Variants in BMS1 observed in about 807,000 individuals in gnomAD.
BMS1 encodes the protein BMS1 ribosome biogenesis factor.
Under a neutral mutation model 138.7 loss-of-function variants are expected in BMS1, and 53 were observed. The ratio of observed to expected loss-of-function variants is 0.38; its 90% CI spans 0.31 to 0.48. The LOEUF is 0.48. BMS1 is among the 20% of genes least tolerant of loss of function. The pLI is 0.97. For synonymous variants in BMS1, 504 were observed against 539.9 expected, an observed-to-expected ratio of 0.93 and a Z score of 0.92; for missense variants, 1,360 against 1,565.5, an observed-to-expected ratio of 0.87 and a Z score of 2.22.
chr10:42,787,360 C>T (rs1453186438), intron 4 of BMS1, 113 bp downstream of exon 4: 3 of 852,648 alleles, frequency 3.5e-6, no homozygotes, highest in Non-Finnish European at 5.8e-6. Context: ...GAATCATGGT[C>T]ATCATCAGTG....
chr10:42,811,526 CTTT>C (rs60192795), intron 13 of BMS1, among the ~76,000 whole-genome samples: 2 of 105,536 alleles, frequency 1.9e-5, no homozygotes. Flanking sequence ...TTTTCTTTTT[CTTT>C]TTTTTTTTTT....
intron 18 of BMS1, among the ~76,000 whole-genome samples, chr10:42,821,570 T>G (rs1734081673): frequency 8.4e-6 from 1 of 119,478 alleles, no homozygotes; most frequent in Non-Finnish European, 1.8e-5. Context: ...TTTTTTTTTT[T>G]GAGACAGAGT....
rs866315631 is a variant in BMS1, at chr10:42,831,954, G to A, written c.*858G>A. ...AGTTATGGGGAATCTATTCCTATAC[G>A]ATGTAATCATAGATTCACATATAGT... On this transcript the variant is annotated 3_prime_UTR_variant, in exon 23 of 23. Coordinates refer to ENST00000374518, the MANE Select transcript of BMS1 (RefSeq NM_014753.4). 2.0e-4 allele frequency: 30 copies of A among 152,084 alleles called. No homozygotes were observed. Among genetic ancestry groups the A allele is most frequent in the Middle Eastern group, 3.4e-3 (1 of 294 alleles). The allele number at this position is 152,084 out of a possible 1,614,324, so 9.4% of individuals were successfully genotyped here. A position where few individuals can be genotyped will look rare whatever the true frequency, so the allele number is the denominator to read the frequency against.
chr10:42,811,814 G>A (rs1258313913), intron 13 of BMS1, among the ~76,000 whole-genome samples: 3 of 151,952 alleles, frequency 2.0e-5, no homozygotes, highest in Non-Finnish European at 2.9e-5. Flanking sequence ...GTGAGCCACC[G>A]CGCCCGGCCT....
intron 13 of BMS1, among the ~76,000 whole-genome samples, chr10:42,809,952 A>ATTTTTT (rs34656411): frequency 8.8e-6 from 1 of 114,024 alleles, no homozygotes; most frequent in African/African-American, 3.6e-5. Flanking sequence ...TGTCTGGCTA[A>ATTTTTT]TTTTTTTTTT....
At chr10:42,830,757 G>T (rs1842779003) in intron 22 of BMS1, 109 bp from the exon 23 acceptor site, 1 of 961,344 alleles carries the variant, frequency 1.0e-6, no homozygotes. Context: ...GCATTTTCAT[G>T]CAGTTAATAT....
Position 42,785,621 on chromosome 10 carries a change from T to C in BMS1, c.316T>C (p.Phe106Leu), listed in dbSNP as rs77961452. Residue 106 changes from phenylalanine (F) to leucine (L), a missense_variant, in exon 3 of 23, where the codon TTT (phenylalanine) becomes CTT (leucine). Transcript: ENST00000374518. ...STLIQCLIRN[F>L]TRQKLTEIRG... ...TTTGATACAATGCCTCATTCGGAAC[T>C]TTACCCGGCAGAAGTTGACTGAGAT... 727 of 1,613,910 alleles carry C rather than the reference T, an allele frequency of 4.5e-4. 2 individuals are homozygous for C. In the African/African-American group the frequency reaches 8.9e-3, roughly 20 times the overall value.
intron 2 of BMS1, 115 bp from the exon 3 acceptor site, chr10:42,785,367 A>C: frequency 6.3e-6 from 5 of 796,754 alleles, no homozygotes; most frequent in Middle Eastern, 3.9e-4. Context: ...AAAATGTGCT[A>C]AAGTACTCAT....
chr10:42,817,191 T>C (rs1842373821), intron 14 of BMS1, 127 bp from the exon 15 acceptor site: 1 of 766,166 alleles, frequency 1.3e-6, no homozygotes, highest in Admixed American at 2.9e-5. Context: ...GTGTTTTCTT[T>C]TGTTTTATTG....
At chr10:42,829,863 T>C (rs1842753264) in intron 21 of BMS1, among the ~76,000 whole-genome samples, 2 of 152,148 alleles carry the variant, frequency 1.3e-5, no homozygotes, top group African/African-American at 4.8e-5. Flanking sequence ...GAGTGGTTGA[T>C]AGTCAAGACA....
In BMS1 at chr10:42,834,885, T is replaced by C. The variant is rs1377636013; in HGVS notation, c.*3789T>C. On this transcript the variant is annotated 3_prime_UTR_variant, in exon 23 of 23. Transcript: ENST00000374518. ...TTTTCTGTGTTTCGGTTTTTTCCAA[T>C]TTTTGTTTTGTGATAAAATATGCAT... 13 of 152,162 alleles carry C rather than the reference T, an allele frequency of 8.5e-5. No individual in the cohort carries two copies. Among genetic ancestry groups the C allele is most frequent in the Admixed American group, 8.5e-4 (13 of 15,284 alleles). The allele number at this position is 152,162 out of a possible 1,614,324, so 9.4% of individuals were successfully genotyped here.
chr10:42,783,965 A>C (rs1230010665), intron 1 of BMS1, among the ~76,000 whole-genome samples: 1 of 152,210 alleles, frequency 6.6e-6, no homozygotes, highest in Non-Finnish European at 1.5e-5. Context: ...ACATGTGACT[A>C]TTTGGAGTTA....
chr10:42,822,240 G>C (rs1412150287), intron 19 of BMS1, 56 bp downstream of exon 19: 18 of 1,110,396 alleles, frequency 1.6e-5, no homozygotes, highest in Non-Finnish European at 2.2e-5. Flanking sequence ...TTGAGAAAAG[G>C]AATGAAATAC....
chr10:42,793,163 T>C lies in BMS1; in HGVS notation c.1089+19T>C. On this transcript the variant is annotated intron_variant, in intron 8 of 22. Coordinates refer to ENST00000374518, the MANE Select transcript of BMS1 (RefSeq NM_014753.4). Reference sequence around the variant, plus strand: ...TTTTCAGGTATCGGTGAGACGGGAGTCATTTCTCTGAACTTTCAGTATTCT... The same window carrying C: ...TTTTCAGGTATCGGTGAGACGGGAGCCATTTCTCTGAACTTTCAGTATTCT... The C allele has an allele frequency of 6.4e-7, 1 of 1,572,230 alleles. No individual in the cohort carries two copies. Among genetic ancestry groups the C allele is most frequent in the Non-Finnish European group, 8.6e-7 (1 of 1,162,154 alleles).
intron 13 of BMS1, among the ~76,000 whole-genome samples, chr10:42,815,275 A>G (rs1842313451): frequency 6.6e-6 from 1 of 152,204 alleles, no homozygotes; most frequent in Non-Finnish European, 1.5e-5. Context: ...AGGCAAGGAA[A>G]GTACTTAACA....
intron 15 of BMS1, among the ~76,000 whole-genome samples, chr10:42,819,369 C>G (rs1342908942): frequency 1.3e-5 from 2 of 152,200 alleles, no homozygotes; most frequent in Non-Finnish European, 2.9e-5. Flanking sequence ...GGACCACTTC[C>G]AGTGTGACTA....
chr10:42,808,371 T>C (rs1416849730), intron 13 of BMS1, among the ~76,000 whole-genome samples: 1 of 151,846 alleles, frequency 6.6e-6, no homozygotes, highest in African/African-American at 2.4e-5. Context: ...CGATCTCCAC[T>C]CACTGCAAGC....
At chr10:42,818,158 G>T (rs1842404054) in intron 15 of BMS1, among the ~76,000 whole-genome samples, 1 of 152,170 alleles carries the variant, frequency 6.6e-6, no homozygotes, top group Non-Finnish European at 1.5e-5. Flanking sequence ...AACAGATTAG[G>T]TATATGATTT....
Position 42,785,600 on chromosome 10 carries a change from A to G in BMS1, c.295A>G (p.Ile99Val), listed in dbSNP as rs1841303063. Residue 99 changes from isoleucine (I) to valine (V), a missense_variant, in exon 3 of 23, where the codon ATA (isoleucine) becomes GTA (valine). Coordinates refer to ENST00000374518, the MANE Select transcript of BMS1 (RefSeq NM_014753.4). ...TCCAAAAGTTGGAAAGAGCACTTTG[A>G]TACAATGCCTCATTCGGAACTTTAC... Reference protein sequence around the residue: ...GPPKVGKSTLIQCLIRNFTRQ... With the variant: ...GPPKVGKSTLVQCLIRNFTRQ... 6.2e-7 allele frequency: 1 copy of G among 1,613,946 alleles called. No individual in the cohort carries two copies. The highest frequency in any genetic ancestry group is 8.5e-7 in the Non-Finnish European group (1 of 1,179,858).
Sources: gnomAD v4.1 joint callset for allele counts (sites outside exome capture counted in the v4.1 genomes callset) on GRCh38, gnomAD v4.1.1 for gene constraint, MANE v1.5 for transcripts, NCBI Gene and HGNC (gene_info 2026-07-23, HGNC 2026-07-21) for gene names.